The following PAK6 variants were observed in gnomAD, a reference collection of about 807,000 sequenced individuals.
PAK6 encodes the protein serine/threonine-protein kinase PAK 6.
Under a neutral mutation model 60.8 loss-of-function variants are expected in PAK6, and 33 were observed. The observed-to-expected ratio is 0.54, with a 90% confidence interval of 0.41 to 0.73. PAK6 has a LOEUF of 0.73. Among genes scored for constraint, PAK6 ranks in the 30% least tolerant of loss-of-function variants. PAK6 has a pLI of 0.00. For missense variants in PAK6, 845 were observed against 904.1 expected, an observed-to-expected ratio of 0.93 and a Z score of 0.84; for synonymous variants, 404 against 378.5, an observed-to-expected ratio of 1.07 and a Z score of -0.78.
chr15:40,260,913 G>C (rs1249638429), intron 3 of PAK6, among the ~76,000 whole-genome samples: 1 of 145,238 alleles, frequency 6.9e-6, no homozygotes, highest in African/African-American at 2.6e-5. Flanking sequence ...TTTTGAGACA[G>C]AGTCTCGCTC....
chr15:40,264,437 T>C, intron 3 of PAK6: 1 of 481,516 alleles, frequency 2.1e-6, no homozygotes, highest in Admixed American at 2.3e-5. Flanking sequence ...TAAAATTCGT[T>C]GACAGACAGT....
intron 2 of PAK6, chr15:40,252,241 C>T: frequency 8.4e-7 from 1 of 1,192,274 alleles, no homozygotes; most frequent in Non-Finnish European, 1.1e-6. Flanking sequence ...CTGGAGCGTG[C>T]ATCTGCGATG....
intron 2 of PAK6, chr15:40,252,590 G>A: frequency 7.4e-7 from 1 of 1,356,218 alleles, no homozygotes; most frequent in Non-Finnish European, 9.8e-7. Flanking sequence ...CAACGTGTAA[G>A]CGCGGCCCCT....
At chr15:40,263,856 A>T (rs2039046930) in intron 3 of PAK6, 1 of 454,674 alleles carries the variant, frequency 2.2e-6, no homozygotes, top group South Asian at 1.6e-5. Flanking sequence ...ACCTCAGGTG[A>T]TCCACCCGCC....
At chr15:40,275,217 A>C (rs938726104) in intron 10 of PAK6, among the ~76,000 whole-genome samples, 2 of 144,378 alleles carry the variant, frequency 1.4e-5, no homozygotes, top group Admixed American at 1.4e-4. Flanking sequence ...TTCAGGTCTC[A>C]CTTTATTTTC....
At chr15:40,241,189 T>C (rs892403428) in intron 2 of PAK6, among the ~76,000 whole-genome samples, 4 of 152,226 alleles carry the variant, frequency 2.6e-5, no homozygotes, top group Non-Finnish European at 4.4e-5. Flanking sequence ...CCACCCCTGC[T>C]GCAGGGTGGA....
intron 2 of PAK6, chr15:40,244,891 C>T (rs904718930): frequency 1.3e-5 from 2 of 152,202 alleles, no homozygotes; most frequent in African/African-American, 4.8e-5. Flanking sequence ...CAAAGGGACA[C>T]CTCTGCTGGC....
At chr15:40,255,226 G>T (rs1595577619) in intron 3 of PAK6, among the ~76,000 whole-genome samples, 1 of 152,004 alleles carries the variant, frequency 6.6e-6, no homozygotes, top group African/African-American at 2.4e-5. Context: ...GGTGGCTCAC[G>T]CCTGTTGACA....
At chr15:40,240,793 G>T (rs951255382) in intron 2 of PAK6, 112 bp downstream of exon 2, 1 of 355,252 alleles carries the variant, frequency 2.8e-6, no homozygotes, top group Admixed American at 3.8e-5. Context: ...CACAGCTGTG[G>T]GTTCCTGGGT....
Position 40,266,342 on chromosome 15 carries a change from CTCAGCCACAGGCAGGCCAGGTGGGG to C in PAK6, c.706_730del (p.Ser236LysfsTer13). 2 of 1,612,406 alleles carry C rather than the reference CTCAGCCACAGGCAGGCCAGGTGGGG, an allele frequency of 1.2e-6. No individual in the cohort carries two copies. Among genetic ancestry groups the C allele is most frequent in the Non-Finnish European group, 1.7e-6 (2 of 1,179,766 alleles). ...CCCGGCCACAGTCCTGCCTGGTGGG[CTCAGCCACAGGCAGGCCAGGTGGGG>C]AAGGCAGCCCTAGCCCTAAGACCCG... On this transcript the variant is annotated frameshift_variant, in exon 5 of 11. Transcript: ENST00000560346. LOFTEE classifies it high-confidence loss of function.
intron 5 of PAK6, among the ~76,000 whole-genome samples, chr15:40,270,046 C>T (rs35118993): frequency 0.094 from 14,345 of 152,248 alleles, 846 homozygotes; most frequent in South Asian, 0.15. Flanking sequence ...GCTTCTGCCC[C>T]GACCCACCTG....
intron 2 of PAK6, chr15:40,252,570 G>C (rs191930557): frequency 1.8e-5 from 24 of 1,359,244 alleles, no homozygotes; most frequent in Non-Finnish European, 2.3e-5. Flanking sequence ...AGGTGAAGCC[G>C]GCGCTGCACC....
chr15:40,245,270 G>C (rs1056332114), intron 2 of PAK6: 2 of 152,384 alleles, frequency 1.3e-5, no homozygotes, highest in Non-Finnish European at 1.5e-5. Context: ...GTGCAGCGGG[G>C]ACCAGCCTAC....
At chr15:40,245,359 G>T (rs565062484) in intron 2 of PAK6, 1 of 152,332 alleles carries the variant, frequency 6.6e-6, no homozygotes, top group African/African-American at 2.4e-5. Flanking sequence ...TGGTGACCAG[G>T]ACTCCTAAAG....
chr15:40,255,422 G>C (rs374119977), intron 3 of PAK6, among the ~76,000 whole-genome samples: 9 of 152,280 alleles, frequency 5.9e-5, no homozygotes, highest in African/African-American at 2.2e-4. Context: ...TCCCTCAAGT[G>C]GGACAGCAGA....
At chr15:40,239,941 C>T (rs2038272429) in intron 1 of PAK6, 139 bp downstream of exon 1, 1 of 152,646 alleles carries the variant, frequency 6.6e-6, no homozygotes, top group South Asian at 2.1e-4. Flanking sequence ...AGGAGTTTAT[C>T]CTAACTGATG....
intron 2 of PAK6, chr15:40,252,619 G>T: frequency 7.4e-7 from 1 of 1,344,246 alleles, no homozygotes. Context: ...TTCCCGCGCC[G>T]AGGTCCCTCC....
chr15:40,248,687 G>A (rs977203513), intron 2 of PAK6, among the ~76,000 whole-genome samples: 6 of 152,176 alleles, frequency 3.9e-5, no homozygotes, highest in Non-Finnish European at 7.3e-5. Context: ...CCATGTGGGG[G>A]TCCTCGCGTG....
chr15:40,261,644 G>A (rs2038989228), intron 3 of PAK6, among the ~76,000 whole-genome samples: 2 of 152,144 alleles, frequency 1.3e-5, no homozygotes, highest in South Asian at 4.1e-4. Context: ...ACACAGTTAT[G>A]TTGTCCCACA....
Sources: allele counts gnomAD v4.1 joint callset (sites outside exome capture counted in the v4.1 genomes callset), GRCh38; gene constraint gnomAD v4.1.1; transcripts MANE v1.5; gene names NCBI Gene and HGNC (gene_info 2026-07-23, HGNC 2026-07-21).